MAP3K7: variants seen among roughly 807,000 people sequenced by gnomAD.
MAP3K7 encodes mitogen-activated protein kinase kinase kinase 7, also known as TGF-beta activated kinase 1.
Under a neutral mutation model 84.8 loss-of-function variants are expected in MAP3K7, and 21 were observed. The observed-to-expected ratio is 0.25, with a 90% confidence interval of 0.18 to 0.36. The LOEUF is 0.36. Among genes scored for constraint, MAP3K7 ranks in the 10% least tolerant of loss-of-function variants. MAP3K7 has a pLI of 1.00. For synonymous variants in MAP3K7, 241 were observed against 247.7 expected, an observed-to-expected ratio of 0.97 and a Z score of 0.25; for missense variants, 503 against 747.7, an observed-to-expected ratio of 0.67 and a Z score of 3.82.
At chr6:90,581,396 A>G (rs542268508) in intron 1 of MAP3K7, among the ~76,000 whole-genome samples, 4 of 152,362 alleles carry the variant, frequency 2.6e-5, no homozygotes, top group Non-Finnish European at 5.9e-5. Flanking sequence ...AAGACAGAAC[A>G]AGCATAGATC....
chr6:90,584,962 A>G (rs1777394184), intron 1 of MAP3K7, among the ~76,000 whole-genome samples: 3 of 152,050 alleles, frequency 2.0e-5, no homozygotes, highest in Admixed American at 6.5e-5. Context: ...AACTAAAAAC[A>G]TTTCCCCCTC....
chr6:90,556,115 T>C (rs909457787), intron 6 of MAP3K7, among the ~76,000 whole-genome samples: 1 of 152,226 alleles, frequency 6.6e-6, no homozygotes, highest in Non-Finnish European at 1.5e-5. Context: ...GCTGGAAGCA[T>C]GCGTTAGATG....
chr6:90,517,702 T>A (rs534091608), intron 16 of MAP3K7, among the ~76,000 whole-genome samples: 1 of 151,824 alleles, frequency 6.6e-6, no homozygotes, highest in African/African-American at 2.4e-5. Context: ...CAATAAATTA[T>A]GATAAAACAA....
chr6:90,569,478 T>A (rs1311291684), intron 2 of MAP3K7, among the ~76,000 whole-genome samples: 2 of 128,392 alleles, frequency 1.6e-5, no homozygotes, highest in East Asian at 4.0e-4. Context: ...ATCTCAAACT[T>A]CTTTCTTTCT....
At chr6:90,552,358 C>T (rs151033034) in intron 7 of MAP3K7, among the ~76,000 whole-genome samples, 179 bp from the exon 8 acceptor site, 63 of 152,228 alleles carry the variant, frequency 4.1e-4, no homozygotes, top group African/African-American at 1.5e-3. Context: ...TTCTTTTACT[C>T]TTTACTTCAC....
At chr6:90,547,477 A>T in intron 10 of MAP3K7, 90 bp from the exon 11 acceptor site, 1 of 1,382,576 alleles carries the variant, frequency 7.2e-7, no homozygotes, top group South Asian at 1.2e-5. Context: ...GGCAAATGGG[A>T]TTCTGATAGA....
chr6:90,559,979 G>T, intron 5 of MAP3K7, 97 bp downstream of exon 5: 1 of 1,384,484 alleles, frequency 7.2e-7, no homozygotes, highest in Non-Finnish European at 1.0e-6. Flanking sequence ...AGAAACTCCT[G>T]TACAATAATG....
chr6:90,585,608 GCA>G (rs1299457877), intron 1 of MAP3K7, among the ~76,000 whole-genome samples: 2 of 152,052 alleles, frequency 1.3e-5, no homozygotes, highest in Non-Finnish European at 2.9e-5. Flanking sequence ...AAATATATAT[GCA>G]GTTTTTACTT....
chr6:90,519,072 T>C (rs1216504749), intron 15 of MAP3K7, among the ~76,000 whole-genome samples, 186 bp downstream of exon 15: 2 of 151,948 alleles, frequency 1.3e-5, no homozygotes, highest in African/African-American at 2.4e-5. Flanking sequence ...AATATGATTC[T>C]GCCAATTTAA....
At chr6:90,542,960 C>T (rs1775898732) in intron 12 of MAP3K7, among the ~76,000 whole-genome samples, 1 of 151,940 alleles carries the variant, frequency 6.6e-6, no homozygotes, top group Non-Finnish European at 1.5e-5. Flanking sequence ...TTCCCTCCCC[C>T]ATTATCTTGT....
chr6:90,543,421 T>A (rs1775913189), intron 12 of MAP3K7, among the ~76,000 whole-genome samples: 1 of 152,042 alleles, frequency 6.6e-6, no homozygotes, highest in Non-Finnish European at 1.5e-5. Flanking sequence ...GCTCAATAGG[T>A]CTGTTCATTT....
chr6:90,565,493 C>T (rs564424291), intron 3 of MAP3K7, among the ~76,000 whole-genome samples: 3 of 152,132 alleles, frequency 2.0e-5, no homozygotes, highest in African/African-American at 7.2e-5. Flanking sequence ...GACACATACA[C>T]CCTCCCAAGA....
rs375772874 is a variant in MAP3K7, at chr6:90,549,190, G to A, written c.950-1013C>T. On this transcript the variant is annotated intron_variant, in intron 9 of 16. Coordinates refer to ENST00000369329, the MANE Select transcript of MAP3K7 (RefSeq NM_145331.3). ...AGTTTAGCCAGAGTAACAGAAGAAA[G>A]CAGAGTAGATGGGCACAGATGTTGT... Among the ~76,000 whole-genome samples the A allele has an allele frequency of 4.1e-4, 63 of 152,210 alleles. 1 individual carries two copies. In the East Asian group the frequency reaches 9.3e-3, roughly 22 times the overall value.
chr6:90,568,715 T>C, intron 2 of MAP3K7, 92 bp from the exon 3 acceptor site: 1 of 890,270 alleles, frequency 1.1e-6, no homozygotes, highest in South Asian at 1.7e-5. Context: ...GTACAAAACA[T>C]TTGTTTAAAT....
intron 3 of MAP3K7, among the ~76,000 whole-genome samples, chr6:90,566,597 T>C (rs1776713100): frequency 6.6e-6 from 1 of 152,192 alleles, no homozygotes; most frequent in Non-Finnish European, 1.5e-5. Context: ...TCCATGCTCA[T>C]GGATAGGAAG....
At position 90,547,383 on chromosome 6, in the gene MAP3K7, T is replaced by G. The variant is rs1776038098; in HGVS notation, c.1085A>C (p.Glu362Ala). 4 of 1,609,748 alleles carry G rather than the reference T, an allele frequency of 2.5e-6. No individual in the cohort carries two copies. The South Asian group carries it at 4.4e-5, about 18-fold the overall frequency. The part of the protein sequence containing the change: ...LLKNQAKQQS[E>A]SGRLSLGASR... Reference sequence around the variant, plus strand: ...GGCTCCCAAGCTTAAACGTCCAGATTCACTCTGTTAAAATTACAGGTCAAT... The same window carrying G: ...GGCTCCCAAGCTTAAACGTCCAGATGCACTCTGTTAAAATTACAGGTCAAT... Residue 362 changes from glutamate to alanine, a missense_variant, in exon 11 of 17, where the codon GAA (glutamate) becomes GCA (alanine). Coordinates refer to ENST00000369329, the MANE Select transcript of MAP3K7 (RefSeq NM_145331.3).
rs1321151509 is a variant in MAP3K7, at chr6:90,515,539, T to C, written c.*962A>G. ...CCTTCTGATTTGCCTGGTTTATTTC[T>C]CATTTGGTATCATAAAAAGAAATCT... On this transcript the variant is annotated 3_prime_UTR_variant, in exon 17 of 17. Coordinates refer to ENST00000369329, the MANE Select transcript of MAP3K7 (RefSeq NM_145331.3). 1 of 129,136 alleles carries C rather than the reference T, an allele frequency of 7.7e-6. No homozygotes were observed. Among genetic ancestry groups the C allele is most frequent in the Non-Finnish European group, 1.7e-5 (1 of 60,064 alleles). 8.0% of individuals were successfully genotyped at this position (129,136 alleles called of 1,614,324 possible).
Position 90,523,779 on chromosome 6 carries a change from C to G in MAP3K7, c.1361G>C (p.Ser454Thr). 1 of 1,576,270 alleles carries G rather than the reference C, an allele frequency of 6.3e-7. No homozygotes were observed. The highest frequency in any genetic ancestry group is 1.3e-5 in the African/African-American group (1 of 74,158). ...TVTGTEPGQV[S>T]SRSSSPSVRM... The stretch of plus-strand genomic sequence containing the variant: ...GACACTGGGACTGGATGACCTACTG[C>G]TCACCTACAGGAAGAAGTCACAGGA... Residue 454 changes from serine to threonine, a missense_variant, in exon 14 of 17, where the codon AGC becomes ACC. Around this residue, in one of 5 missense-constraint regions of MAP3K7, gnomAD observed 286 missense variants for 313.6 expected, o/e 0.91. Coordinates refer to ENST00000369329, the MANE Select transcript of MAP3K7 (RefSeq NM_145331.3).
At chr6:90,568,490 C>A in intron 3 of MAP3K7, 68 bp downstream of exon 3, 1 of 1,325,266 alleles carries the variant, frequency 7.5e-7, no homozygotes, top group Non-Finnish European at 1.0e-6. Flanking sequence ...AAAATAGCTA[C>A]ATAAACTACA....
Sources: gnomAD v4.1 joint callset for allele counts (sites outside exome capture counted in the v4.1 genomes callset) on GRCh38, gnomAD v4.1.1 for gene constraint, gnomAD v4.1.1 regional missense constraint, MANE v1.5 for transcripts, NCBI Gene and HGNC (gene_info 2026-07-23, HGNC 2026-07-21) for gene names.